The following RBFOX1 variants were observed in gnomAD, a reference collection of about 807,000 sequenced individuals.
RBFOX1 encodes RNA binding protein fox-1 homolog 1.
A neutral mutation model predicts 57.7 loss-of-function variants in RBFOX1; 8 were observed. The observed-to-expected ratio is 0.14, with a 90% CI of 0.08 to 0.25. RBFOX1 has a LOEUF of 0.25. RBFOX1 is among the 10% of genes least tolerant of loss of function. The pLI, the probability that RBFOX1 is intolerant of heterozygous loss-of-function variation, is 1.00. For missense variants in RBFOX1, 611 were observed against 548.5 expected (o/e 1.11, Z -1.14); for synonymous variants, 326 against 222.4 (o/e 1.47, Z -4.15).
intron 2 of RBFOX1, among the ~76,000 whole-genome samples, chr16:6,533,495 A>T (rs1014353290): frequency 1.3e-5 from 2 of 152,136 alleles, no homozygotes; most frequent in Non-Finnish European, 2.9e-5. Context: ...TACACTTGAC[A>T]CAGCCTCCAG....
intron 3 of RBFOX1, among the ~76,000 whole-genome samples, chr16:6,717,647 T>TG (rs1448789041): frequency 6.6e-6 from 1 of 152,050 alleles, no homozygotes; most frequent in Non-Finnish European, 1.5e-5. Context: ...ATCGACTCTC[T>TG]GTCAGCTCAG....
intron 2 of RBFOX1, among the ~76,000 whole-genome samples, chr16:6,572,931 A>G (rs770534449): frequency 1.3e-5 from 2 of 152,108 alleles, no homozygotes; most frequent in Non-Finnish European, 1.5e-5. Flanking sequence ...TTTGTTCCCA[A>G]GAGTGCTGGG....
intron 5 of RBFOX1, among the ~76,000 whole-genome samples, chr16:7,525,609 C>T (rs1330500134): frequency 2.0e-5 from 3 of 152,182 alleles, no homozygotes; most frequent in African/African-American, 4.8e-5. Flanking sequence ...GCTCATGTCC[C>T]TGCGGACTCT....
At chr16:6,855,664 A>G (rs971268218) in intron 3 of RBFOX1, among the ~76,000 whole-genome samples, 3 of 151,598 alleles carry the variant, frequency 2.0e-5, no homozygotes, top group Non-Finnish European at 4.4e-5. Flanking sequence ...AAAAAAAAAA[A>G]AAAAGATCTT....
At chr16:6,955,148 G>A (rs527856971) in intron 3 of RBFOX1, among the ~76,000 whole-genome samples, 2 of 152,108 alleles carry the variant, frequency 1.3e-5, no homozygotes, top group South Asian at 4.2e-4. Context: ...GGTTGAGGCA[G>A]GAGGATCAGT....
chr16:6,771,311 C>A (rs2078253760), intron 3 of RBFOX1, among the ~76,000 whole-genome samples: 1 of 152,124 alleles, frequency 6.6e-6, no homozygotes, highest in Admixed American at 6.5e-5. Flanking sequence ...GCAGCCCTGG[C>A]AAGCTGACAC....
At chr16:6,022,945 G>A (rs1471109491) in intron 1 of RBFOX1, among the ~76,000 whole-genome samples, 1 of 152,116 alleles carries the variant, frequency 6.6e-6, no homozygotes, top group Admixed American at 6.5e-5. Context: ...TATTGTATAG[G>A]AGATGTCAAG....
chr16:6,232,869 TGCACATGTA>T (rs2097475246), intron 1 of RBFOX1, among the ~76,000 whole-genome samples: 1 of 152,188 alleles, frequency 6.6e-6, no homozygotes, highest in Non-Finnish European at 1.5e-5. Flanking sequence ...ACTCAACTTC[TGCACATGTA>T]GCATCCACAT....
intron 2 of RBFOX1, among the ~76,000 whole-genome samples, chr16:5,485,850 C>T (rs538620848): frequency 2.0e-5 from 3 of 152,304 alleles, no homozygotes; most frequent in South Asian, 2.1e-4. Flanking sequence ...CAGGTTCCTT[C>T]TCTGTTACTG....
chr16:6,821,339 C>A (rs573491355), intron 3 of RBFOX1, among the ~76,000 whole-genome samples: 2 of 152,216 alleles, frequency 1.3e-5, no homozygotes, highest in East Asian at 3.9e-4. Context: ...GTTTTGTCCC[C>A]AAATTGGAAA....
intron 4 of RBFOX1, among the ~76,000 whole-genome samples, chr16:7,231,655 T>A (rs1277614089): frequency 6.6e-6 from 1 of 152,202 alleles, no homozygotes; most frequent in African/African-American, 2.4e-5. Context: ...TATCAATAAA[T>A]TTATCAATAA....
chr16:7,593,973 CT>C (rs995965963), intron 7 of RBFOX1, among the ~76,000 whole-genome samples: 3 of 152,080 alleles, frequency 2.0e-5, no homozygotes, highest in African/African-American at 4.8e-5. Flanking sequence ...TTGCACAATA[CT>C]TTTTTTGTTG....
chr16:5,478,030 A>G (rs1353459962), intron 2 of RBFOX1, among the ~76,000 whole-genome samples: 1 of 151,916 alleles, frequency 6.6e-6, no homozygotes, highest in East Asian at 1.9e-4. Flanking sequence ...CTCAGTAGGG[A>G]GGGATCAGGG....
At chr16:6,632,244 C>T (rs968152430) in intron 2 of RBFOX1, among the ~76,000 whole-genome samples, 1 of 151,886 alleles carries the variant, frequency 6.6e-6, no homozygotes, top group Admixed American at 6.6e-5. Context: ...GTTTTCCCTG[C>T]ATGCTAGCTA....
chr16:7,119,755 C>T (rs976450371), intron 4 of RBFOX1, among the ~76,000 whole-genome samples: 1 of 151,920 alleles, frequency 6.6e-6, no homozygotes, highest in African/African-American at 2.4e-5. Context: ...GGAGAGTCTA[C>T]AAACATAAGT....
At chr16:5,577,938 G>A (rs745630451) in intron 2 of RBFOX1, among the ~76,000 whole-genome samples, 2 of 148,044 alleles carry the variant, frequency 1.4e-5, no homozygotes, top group Non-Finnish European at 3.0e-5. Context: ...ATTACAATTT[G>A]TAGAGAGATT....
chr16:7,221,553 G>T (rs1225488889), intron 4 of RBFOX1, among the ~76,000 whole-genome samples: 2 of 152,020 alleles, frequency 1.3e-5, no homozygotes, highest in Non-Finnish European at 2.9e-5. Flanking sequence ...TTTTAGTAGA[G>T]AAGGGGTCGC....
intron 5 of RBFOX1, among the ~76,000 whole-genome samples, chr16:7,578,357 A>C (rs1489785979): frequency 2.6e-5 from 4 of 152,226 alleles, no homozygotes; most frequent in Non-Finnish European, 5.9e-5. Context: ...TAAAAGCTGA[A>C]GTCAACTGGT....
At chr16:5,301,862 A>G (rs1167678278) in intron 1 of RBFOX1, among the ~76,000 whole-genome samples, 5 of 152,170 alleles carry the variant, frequency 3.3e-5, no homozygotes, top group Admixed American at 2.6e-4. Flanking sequence ...TAGATAGCTA[A>G]TATAGTGTTT....
Sources: gnomAD v4.1 joint callset for allele counts (sites outside exome capture counted in the v4.1 genomes callset) on GRCh38, gnomAD v4.1.1 for gene constraint, MANE v1.5 for transcripts, NCBI Gene and HGNC (gene_info 2026-07-23, HGNC 2026-07-21) for gene names.